The following PARD3 variants were observed in gnomAD, a reference collection of about 807,000 sequenced individuals.
PARD3 encodes the protein par-3 family cell polarity regulator.
PARD3 carries 75 observed loss-of-function variants against 155.4 expected under a neutral mutation model. That is an observed-to-expected ratio of 0.48 (90% confidence interval 0.40 to 0.58). The LOEUF (loss-of-function observed/expected upper bound fraction) is 0.58, where lower values mean the gene tolerates loss of function less well. PARD3 is among the 20% of genes least tolerant of loss of function. The pLI is 0.00. For synonymous variants in PARD3, 576 were observed against 610.5 expected (o/e 0.94, Z 0.83); for missense variants, 1,642 against 1,721.7 (o/e 0.95, Z 0.82).
intron 12 of PARD3, among the ~76,000 whole-genome samples, chr10:34,368,031 T>C (rs536606183): frequency 3.9e-5 from 6 of 152,094 alleles, no homozygotes; most frequent in Admixed American, 1.3e-4. Context: ...GGTGGGTGGA[T>C]TGCTGAAGGT....
At chr10:34,428,998 G>A (rs778706221) in intron 5 of PARD3, among the ~76,000 whole-genome samples, 1 of 152,122 alleles carries the variant, frequency 6.6e-6, no homozygotes, top group Admixed American at 6.5e-5. Context: ...TAAAACCACA[G>A]TATGCATATG....
At chr10:34,511,237 G>A (rs1160140686) in intron 3 of PARD3, among the ~76,000 whole-genome samples, 1 of 152,152 alleles carries the variant, frequency 6.6e-6, no homozygotes, top group Non-Finnish European at 1.5e-5. Context: ...AGTCTGATCA[G>A]ATTCATGATT....
At chr10:34,573,191 C>CA (rs752594625) in intron 2 of PARD3, among the ~76,000 whole-genome samples, 1 of 149,230 alleles carries the variant, frequency 6.7e-6, no homozygotes, top group Non-Finnish European at 1.5e-5. Flanking sequence ...CCCATCTCTA[C>CA]AAAAAAGTTC....
chr10:34,789,872 T>A (rs185959374), intron 1 of PARD3, among the ~76,000 whole-genome samples: 2 of 152,326 alleles, frequency 1.3e-5, no homozygotes, highest in East Asian at 3.9e-4. Context: ...TTTCCTACAA[T>A]AAGTATGAAT....
intron 2 of PARD3, among the ~76,000 whole-genome samples, chr10:34,589,631 A>G (rs1160317181): frequency 1.9e-5 from 2 of 103,924 alleles, no homozygotes; most frequent in Non-Finnish European, 3.8e-5. Context: ...ATATAAGTAC[A>G]TGTCCAAAAA....
rs1841230663 is a variant in PARD3, at chr10:34,376,290, CT to C, written c.1540-1289del. On this transcript the variant is annotated intron_variant, in intron 10 of 24. Coordinates refer to ENST00000374788, the MANE Select transcript of PARD3 (RefSeq NM_001184785.2). Reference sequence around the variant, plus strand: ...ACATGCAGGTTGCAGGTCTTTCTCACTGCTTTAAAATAAAAAGGTTTTTCTG... The same window carrying C: ...ACATGCAGGTTGCAGGTCTTTCTCACGCTTTAAAATAAAAAGGTTTTTCTG... Among the ~76,000 whole-genome samples the C allele has an allele frequency of 2.0e-5, 3 of 152,236 alleles. No individual in the cohort carries two copies. The South Asian group carries it at 6.2e-4, about 32-fold the overall frequency.
chr10:34,389,834 T>G (rs761933464), intron 7 of PARD3, among the ~76,000 whole-genome samples: 1 of 152,196 alleles, frequency 6.6e-6, no homozygotes, highest in Non-Finnish European at 1.5e-5. Context: ...ATCTTAATTT[T>G]TTTTTTAGAA....
chr10:34,370,625 T>A (rs1175544995), intron 12 of PARD3, among the ~76,000 whole-genome samples: 1 of 152,138 alleles, frequency 6.6e-6, no homozygotes, highest in African/African-American at 2.4e-5. Flanking sequence ...TCATTTTCCA[T>A]CTCAGATTGT....
chr10:34,514,276 A>G (rs2133592463), intron 3 of PARD3, among the ~76,000 whole-genome samples: 1 of 152,322 alleles, frequency 6.6e-6, no homozygotes, highest in East Asian at 1.9e-4. Flanking sequence ...TCTTCAATTA[A>G]GCAAATCTCT....
chr10:34,421,831 A>G (rs1330877207), intron 5 of PARD3, among the ~76,000 whole-genome samples: 1 of 152,212 alleles, frequency 6.6e-6, no homozygotes, highest in Non-Finnish European at 1.5e-5. Context: ...TGCTAGTGCT[A>G]TTAAAAATGA....
chr10:34,564,825 C>G (rs2085792575), intron 2 of PARD3, among the ~76,000 whole-genome samples: 1 of 152,122 alleles, frequency 6.6e-6, no homozygotes, highest in African/African-American at 2.4e-5. Context: ...CAATTGCAAG[C>G]CATTAATATA....
At chr10:34,699,638 G>A (rs1034764084) in intron 1 of PARD3, among the ~76,000 whole-genome samples, 3 of 152,134 alleles carry the variant, frequency 2.0e-5, no homozygotes, top group Non-Finnish European at 1.5e-5. Context: ...CTACTGTCCA[G>A]TCCATAGACA....
chr10:34,357,402 C>T (rs1226949628), intron 14 of PARD3, among the ~76,000 whole-genome samples: 1 of 152,134 alleles, frequency 6.6e-6, no homozygotes, highest in Non-Finnish European at 1.5e-5. Context: ...TTCTGATACA[C>T]ATAAGATGCT....
chr10:34,588,722 G>A (rs2088345612), intron 2 of PARD3, among the ~76,000 whole-genome samples: 2 of 152,150 alleles, frequency 1.3e-5, no homozygotes, highest in Admixed American at 6.5e-5. Context: ...TACACTGAGT[G>A]GTTCTGAAAC....
chr10:34,586,450 G>C (rs867592728), intron 2 of PARD3, among the ~76,000 whole-genome samples: 28 of 152,108 alleles, frequency 1.8e-4, no homozygotes, highest in African/African-American at 6.8e-4. Flanking sequence ...AATGGAGATA[G>C]GTCTAAAGAT....
intron 3 of PARD3, among the ~76,000 whole-genome samples, chr10:34,475,070 A>C (rs1324395273): frequency 2.0e-5 from 3 of 152,218 alleles, no homozygotes; most frequent in Non-Finnish European, 4.4e-5. Context: ...CTCTGATCTC[A>C]GGGCCCTTTC....
At chr10:34,253,562 C>G (rs1266765619) in intron 22 of PARD3, among the ~76,000 whole-genome samples, 1 of 152,134 alleles carries the variant, frequency 6.6e-6, no homozygotes, top group Non-Finnish European at 1.5e-5. Flanking sequence ...CTCTTCATGG[C>G]CTGGCTCTCC....
intron 17 of PARD3, 135 bp downstream of exon 17, chr10:34,337,140 T>C: frequency 3.7e-6 from 2 of 537,656 alleles, no homozygotes; most frequent in Non-Finnish European, 6.1e-6. Context: ...AAAAACTAAT[T>C]TTTGCCAAAT....
Position 34,382,782 on chromosome 10 carries a change from C to T in PARD3, c.1157G>A (p.Ser386Asn), listed in dbSNP as rs1841984080. 2 of 1,614,172 alleles carry T rather than the reference C, an allele frequency of 1.2e-6. No homozygotes were observed. Among genetic ancestry groups the T allele is most frequent in the Non-Finnish European group, 1.7e-6 (2 of 1,180,034 alleles). ...NYYSSRFSPD[S>N]QYIDNRSVNS... Reference sequence around the variant, plus strand: ...CACACTCCTGTTGTCAATATACTGGCTGTCAGGGCTAAAACGGCTTGAATA... The same window carrying T: ...CACACTCCTGTTGTCAATATACTGGTTGTCAGGGCTAAAACGGCTTGAATA... Residue 386 changes from serine to asparagine, a missense_variant, in exon 9 of 25, where the codon AGC (serine) becomes AAC (asparagine). Transcript: ENST00000374788.
Sources: allele counts gnomAD v4.1 joint callset (sites outside exome capture counted in the v4.1 genomes callset), GRCh38; gene constraint gnomAD v4.1.1; transcripts MANE v1.5; gene names NCBI Gene and HGNC (gene_info 2026-07-23, HGNC 2026-07-21).